RIN3: variants seen among roughly 807,000 people sequenced by gnomAD.
RIN3 encodes the protein Ras and Rab interactor 3.
In RIN3, 54 loss-of-function variants were observed where a neutral mutation model predicts 76.3. That is an observed-to-expected ratio of 0.71 (90% CI 0.57 to 0.89). RIN3 has a LOEUF of 0.89. RIN3 is among the 40% of genes least tolerant of loss of function. RIN3 has a pLI of 0.00. For synonymous variants in RIN3, 576 were observed against 564.0 expected, an observed-to-expected ratio of 1.02 and a Z score of -0.30; for missense variants, 1,256 against 1,322.1, an observed-to-expected ratio of 0.95 and a Z score of 0.78.
rs1888957666 is a variant in RIN3 at position 92,688,285 on chromosome 14, GCGCACGTCTGGCCC to G, written c.*37_*50del. 1 of 1,498,504 alleles carries G rather than the reference GCGCACGTCTGGCCC, an allele frequency of 6.7e-7. No individual in the cohort carries two copies. Among genetic ancestry groups the G allele is most frequent in the Non-Finnish European group, 8.9e-7 (1 of 1,122,578 alleles). 92.8% of individuals were successfully genotyped at this position (1,498,504 alleles called of 1,614,324 possible). A position where few individuals can be genotyped will look rare whatever the true frequency, so the allele number is the denominator to read the frequency against. On this transcript the variant is annotated 3_prime_UTR_variant, in exon 10 of 10. Transcript: ENST00000216487. ...CCGGGGCGCCTCCCCTCACCCCCAG[GCGCACGTCTGGCCC>G]CGCCTCTGGCTGCGCACTCCCGACC...
chr14:92,573,723 T>TA (rs1898131975), intron 2 of RIN3, among the ~76,000 whole-genome samples: 1 of 152,242 alleles, frequency 6.6e-6, no homozygotes, highest in African/African-American at 2.4e-5. Context: ...GTTTCTGTCT[T>TA]ACTATATACC....
chr14:92,514,084 G>T lies in RIN3; in HGVS notation c.44+108G>T. 1.3e-6 allele frequency: 1 copy of T among 794,996 alleles called. No homozygotes were observed. Among genetic ancestry groups the T allele is most frequent in the South Asian group, 6.4e-5 (1 of 15,706 alleles). The allele number at this position is 794,996 out of a possible 1,614,324, so 49.2% of individuals were successfully genotyped here. On this transcript the variant is annotated intron_variant, in intron 1 of 9. Transcript: ENST00000216487. This position sits in a 1 kb window ranked among gnomAD's most constrained non-coding sequence, Gnocchi z 7.2. Reference sequence around the variant, plus strand: ...AGAGTCCTTCGGGCGCGTGACCTCGGGGTTGTCGGGCTGATACGGGACCCC... The same window carrying T: ...AGAGTCCTTCGGGCGCGTGACCTCGTGGTTGTCGGGCTGATACGGGACCCC...
intron 3 of RIN3, among the ~76,000 whole-genome samples, chr14:92,600,653 G>A (rs906053934): frequency 2.0e-5 from 3 of 152,182 alleles, no homozygotes; most frequent in Non-Finnish European, 4.4e-5. Flanking sequence ...CCCACTGTGT[G>A]CCAGGCAGCA....
rs879382347 is a variant in RIN3 at position 92,688,148 on chromosome 14, C to T, written c.2854C>T (p.Pro952Ser). ...CAAGGGCTACCTGCTGCGCAGCGAGCCCAAGCGCGACTTCCACTTTGTCTA... is the reference window on the plus strand; with the variant it reads ...CAAGGGCTACCTGCTGCGCAGCGAGTCCAAGCGCGACTTCCACTTTGTCTA... Reference protein sequence around the residue: ...CIKGYLLRSEPKRDFHFVYRP... With the variant: ...CIKGYLLRSESKRDFHFVYRP... Residue 952 changes from proline to serine, a missense_variant, in exon 10 of 10, where the codon CCC becomes TCC. Coordinates refer to ENST00000216487, the MANE Select transcript of RIN3 (RefSeq NM_024832.5). The T allele has an allele frequency of 6.2e-6, 10 of 1,610,128 alleles. No homozygotes were observed. Among genetic ancestry groups the T allele is most frequent in the Non-Finnish European group, 8.5e-6 (10 of 1,178,888 alleles).
At chr14:92,687,157 C>G (rs1888893193) in intron 9 of RIN3, 1 of 152,288 alleles carries the variant, frequency 6.6e-6, no homozygotes, top group South Asian at 2.1e-4. Context: ...AGCGCCTGCT[C>G]GCCCATTTAT....
intron 5 of RIN3, 62 bp from the exon 6 acceptor site, chr14:92,651,520 C>A: frequency 8.0e-7 from 1 of 1,254,704 alleles, no homozygotes; most frequent in Non-Finnish European, 1.1e-6. Context: ...AGACCCCGCC[C>A]AGCACAGCAA....
intron 1 of RIN3, among the ~76,000 whole-genome samples, chr14:92,521,811 C>G (rs983900185): frequency 4.6e-5 from 7 of 152,190 alleles, no homozygotes; most frequent in Non-Finnish European, 8.8e-5. Context: ...ATTTAAAGCA[C>G]AGGGTACTGT....
chr14:92,581,047 CA>C (rs2140064103), intron 3 of RIN3, among the ~76,000 whole-genome samples: 1 of 152,316 alleles, frequency 6.6e-6, no homozygotes, highest in South Asian at 2.1e-4. Flanking sequence ...GTGAGGTTCT[CA>C]AAGAAGGAAG....
At chr14:92,574,247 T>G (rs894554139) in intron 2 of RIN3, among the ~76,000 whole-genome samples, 1 of 152,192 alleles carries the variant, frequency 6.6e-6, no homozygotes, top group African/African-American at 2.4e-5. Flanking sequence ...TAGATGAGCT[T>G]GAGGAGGCAG....
At chr14:92,617,184 T>C (rs190473553) in intron 4 of RIN3, among the ~76,000 whole-genome samples, 480 of 151,966 alleles carry the variant, frequency 3.2e-3, no homozygotes, top group African/African-American at 9.7e-3. Context: ...CCTGTAATCC[T>C]AGCTACTCAG....
Position 92,653,797 on chromosome 14 carries a change from C to T in RIN3, c.2026+722C>T, listed in dbSNP as rs758312147. Among the ~76,000 whole-genome samples the T allele has an allele frequency of 3.3e-5, 5 of 152,166 alleles. No homozygotes were observed. In the East Asian group the frequency reaches 5.8e-4, roughly 18 times the overall value. ...CTCTGGGAGGCCAAGGCAGGAGGAT[C>T]GCTTGAGCCCAGGAGTTCAAGACCA... On this transcript the variant is annotated intron_variant, in intron 6 of 9. Transcript: ENST00000216487.
intron 1 of RIN3, among the ~76,000 whole-genome samples, chr14:92,535,669 CTTT>C (rs59009829): frequency 0.01 from 980 of 94,110 alleles, 14 homozygotes; most frequent in African/African-American, 0.043. Context: ...CTGGAACAGA[CTTT>C]TTTTTTTTTT....
rs977508899 is a variant in RIN3, at chr14:92,648,808, G to T, written c.533-2774G>T. Among the ~76,000 whole-genome samples, 7 of 152,006 alleles carry T rather than the reference G, an allele frequency of 4.6e-5. No individual in the cohort carries two copies. Among genetic ancestry groups the T allele is most frequent in the African/African-American group, 1.7e-4 (7 of 41,228 alleles). On this transcript the variant is annotated intron_variant, in intron 5 of 9. Transcript: ENST00000216487. The surrounding 1 kb of genome is among the most constrained non-coding windows in gnomAD (Gnocchi z 4.1). ...TATCAGAGCTGCAGGAACACAGGCG[G>T]GGTGGGCAAGGCCTGAGCACATCAG...
chr14:92,526,661 G>A (rs912725869), intron 1 of RIN3, among the ~76,000 whole-genome samples: 1 of 151,838 alleles, frequency 6.6e-6, no homozygotes, highest in African/African-American at 2.4e-5. Flanking sequence ...GCTGAGGCAG[G>A]AAAATCGCTT....
rs141639130 is a variant in RIN3 at position 92,648,448 on chromosome 14, G to T, written c.533-3134G>T. Reference sequence around the variant, plus strand: ...CCCGGCTGGTGGCCCATCCGTTTACGGGGCTCCTGTGCCCTCCTTCCTGCC... The same window carrying T: ...CCCGGCTGGTGGCCCATCCGTTTACTGGGCTCCTGTGCCCTCCTTCCTGCC... On this transcript the variant is annotated intron_variant, in intron 5 of 9. Transcript: ENST00000216487. This position sits in a 1 kb window ranked among gnomAD's most constrained non-coding sequence, Gnocchi z 4.1. Among the ~76,000 whole-genome samples, 1 of 152,210 alleles carries T rather than the reference G, an allele frequency of 6.6e-6. No individual in the cohort carries two copies. Among genetic ancestry groups the T allele is most frequent in the East Asian group, 1.9e-4 (1 of 5,204 alleles).
chr14:92,532,810 G>T (rs548518588), intron 1 of RIN3, among the ~76,000 whole-genome samples: 1 of 152,304 alleles, frequency 6.6e-6, no homozygotes, highest in East Asian at 1.9e-4. Flanking sequence ...TCCCAGCCTG[G>T]TCCATCCCTG....
intron 3 of RIN3, among the ~76,000 whole-genome samples, chr14:92,598,454 A>G (rs1168985143): frequency 6.6e-6 from 1 of 152,254 alleles, no homozygotes; most frequent in African/African-American, 2.4e-5. Flanking sequence ...GTGAGCTACA[A>G]TAAGATAGCT....
intron 1 of RIN3, among the ~76,000 whole-genome samples, chr14:92,539,960 C>T (rs1172660794): frequency 6.6e-6 from 1 of 151,976 alleles, no homozygotes; most frequent in African/African-American, 2.4e-5. Flanking sequence ...AGCTGGCTGC[C>T]TCTGCCGGCA....
At chr14:92,563,312 G>T (rs2140043765) in intron 2 of RIN3, among the ~76,000 whole-genome samples, 1 of 152,274 alleles carries the variant, frequency 6.6e-6, no homozygotes, top group South Asian at 2.1e-4. Context: ...AGTGAGAAAA[G>T]ATCGCACCAC....
Sources: gnomAD v4.1 joint callset for allele counts (sites outside exome capture counted in the v4.1 genomes callset) on GRCh38, gnomAD v4.1.1 for gene constraint, Gnocchi (gnomAD v3.1) non-coding constraint, MANE v1.5 for transcripts, NCBI Gene and HGNC (gene_info 2026-07-23, HGNC 2026-07-21) for gene names.